Variants in EXOC4 observed in about 807,000 individuals in gnomAD.
The protein encoded by EXOC4 is exocyst complex component 4.
EXOC4 carries 71 observed loss-of-function variants against 107.2 expected under a neutral mutation model. The observed-to-expected ratio is 0.66, with a 90% CI of 0.55 to 0.81. The LOEUF (loss-of-function observed/expected upper bound fraction) is 0.81, where lower values mean the gene tolerates loss of function less well. EXOC4 is among the 30% of genes least tolerant of loss of function. EXOC4 has a pLI of 0.00. For synonymous variants in EXOC4, 456 were observed against 441.2 expected, an observed-to-expected ratio of 1.03 and a Z score of -0.42; for missense variants, 1,108 against 1,189.6, an observed-to-expected ratio of 0.93 and a Z score of 1.01.
intron 11 of EXOC4, among the ~76,000 whole-genome samples, chr7:133,863,815 T>G (rs1375127130): frequency 6.6e-6 from 1 of 152,220 alleles, no homozygotes; most frequent in African/African-American, 2.4e-5. Context: ...TCTGCACTGG[T>G]GACTGACAGT....
At chr7:133,256,581 A>G (rs1014858946) in intron 1 of EXOC4, among the ~76,000 whole-genome samples, 14 of 152,376 alleles carry the variant, frequency 9.2e-5, no homozygotes, top group African/African-American at 3.4e-4. Context: ...TTTAAAAAAT[A>G]TCTTTTTGTA....
chr7:133,678,003 C>T (rs1794103047), intron 10 of EXOC4, among the ~76,000 whole-genome samples: 1 of 152,074 alleles, frequency 6.6e-6, no homozygotes, highest in South Asian at 2.1e-4. Context: ...GTCTTCATTG[C>T]CTCCTGCATT....
At position 133,522,376 on chromosome 7, in the gene EXOC4, A is replaced by AT. The variant is rs1799997337; in HGVS notation, c.1417+42238_1417+42239insT. On this transcript the variant is annotated intron_variant, in intron 9 of 17. Transcript: ENST00000253861. ...TCTTCCGCTTGTAGATAAAGACAGTAATATGATGGAGTGATCAAATACAAA... is the reference window on the plus strand; with the variant it reads ...TCTTCCGCTTGTAGATAAAGACAGTATATATGATGGAGTGATCAAATACAAA... Among the ~76,000 whole-genome samples, 3 of 152,178 alleles carry AT rather than the reference A, an allele frequency of 2.0e-5. No homozygotes were observed. The South Asian group carries it at 6.2e-4, about 31-fold the overall frequency.
At chr7:133,600,980 G>T (rs1443472293) in intron 9 of EXOC4, among the ~76,000 whole-genome samples, 1 of 152,150 alleles carries the variant, frequency 6.6e-6, no homozygotes, top group Non-Finnish European at 1.5e-5. Flanking sequence ...ACATTTGAAA[G>T]CAAGTTTGCA....
chr7:133,542,773 T>C (rs1473613852), intron 9 of EXOC4, among the ~76,000 whole-genome samples: 1 of 152,178 alleles, frequency 6.6e-6, no homozygotes, highest in Non-Finnish European at 1.5e-5. Context: ...CAGAAAATGA[T>C]TTGAAATGGT....
chr7:133,635,356 T>C (rs939594432), intron 10 of EXOC4, among the ~76,000 whole-genome samples: 3 of 152,182 alleles, frequency 2.0e-5, no homozygotes, highest in African/African-American at 7.2e-5. Flanking sequence ...AGAATTTATT[T>C]TTCTCTTTGT....
intron 10 of EXOC4, among the ~76,000 whole-genome samples, chr7:133,787,387 GTGA>G (rs1554401395): frequency 2.3e-3 from 3 of 1,294 alleles, no homozygotes; most frequent in Non-Finnish European, 4.7e-3. Context: ...GTGTGTGTGT[GTGA>G]GATGAGGTCT....
intron 9 of EXOC4, among the ~76,000 whole-genome samples, chr7:133,571,999 C>T (rs1272383150): frequency 2.6e-5 from 4 of 152,122 alleles, no homozygotes; most frequent in Non-Finnish European, 5.9e-5. Context: ...GAAACCATAG[C>T]AGAAGGTTAA....
chr7:133,761,986 C>T (rs1297135982), intron 10 of EXOC4, among the ~76,000 whole-genome samples: 1 of 152,184 alleles, frequency 6.6e-6, no homozygotes, highest in East Asian at 1.9e-4. Flanking sequence ...CTCTTCTCTG[C>T]CTCAAGCTCA....
chr7:133,386,859 A>G (rs1007478610), intron 7 of EXOC4, among the ~76,000 whole-genome samples: 2 of 151,930 alleles, frequency 1.3e-5, no homozygotes, highest in Non-Finnish European at 2.9e-5. Context: ...TGTCCTGGGC[A>G]AGACTCAGTT....
At chr7:133,358,534 T>A (rs1407411804) in intron 6 of EXOC4, among the ~76,000 whole-genome samples, 1 of 152,198 alleles carries the variant, frequency 6.6e-6, no homozygotes, top group Non-Finnish European at 1.5e-5. Flanking sequence ...ACTTTTGCCT[T>A]TCTTCTTTCT....
intron 9 of EXOC4, among the ~76,000 whole-genome samples, chr7:133,498,019 C>A (rs182235833): frequency 6.6e-6 from 1 of 152,096 alleles, no homozygotes; most frequent in Non-Finnish European, 1.5e-5. Context: ...TGATAGCCCC[C>A]TGAGGAAAGC....
At chr7:133,690,860 A>AAGGG (rs1794404013) in intron 10 of EXOC4, among the ~76,000 whole-genome samples, 2 of 152,130 alleles carry the variant, frequency 1.3e-5, no homozygotes. Context: ...GGGGAAACTA[A>AAGGG]TGGAAGATAG....
At chr7:133,290,806 C>T (rs1794387662) in intron 3 of EXOC4, 1 of 152,112 alleles carries the variant, frequency 6.6e-6, no homozygotes, top group Admixed American at 6.5e-5. Flanking sequence ...TACAGAAATT[C>T]AACTCTAGCT....
chr7:133,676,309 T>G (rs1794056550), intron 10 of EXOC4, among the ~76,000 whole-genome samples: 1 of 152,188 alleles, frequency 6.6e-6, no homozygotes, highest in Non-Finnish European at 1.5e-5. Context: ...AATTTTATTT[T>G]AAACAAGTAG....
chr7:133,515,103 A>G (rs1285520283), intron 9 of EXOC4, among the ~76,000 whole-genome samples: 1 of 152,156 alleles, frequency 6.6e-6, no homozygotes, highest in East Asian at 1.9e-4. Context: ...TTTGCTTACT[A>G]GCTGCTCAGC....
chr7:133,495,123 A>G (rs1198950923), intron 9 of EXOC4, among the ~76,000 whole-genome samples: 2 of 152,044 alleles, frequency 1.3e-5, no homozygotes, highest in African/African-American at 2.4e-5. Flanking sequence ...ATAGTGGCAC[A>G]TATCTGTAAT....
intron 1 of EXOC4, among the ~76,000 whole-genome samples, chr7:133,258,293 C>G (rs912284844): frequency 7.9e-5 from 12 of 152,132 alleles, no homozygotes; most frequent in Non-Finnish European, 1.8e-4. Flanking sequence ...ACTGTTAACA[C>G]TGGGATTTCC....
At chr7:133,965,397 T>C (rs201698496) in intron 14 of EXOC4, among the ~76,000 whole-genome samples, 4 of 152,326 alleles carry the variant, frequency 2.6e-5, no homozygotes, top group Non-Finnish European at 5.9e-5. Flanking sequence ...TCATGAAGTC[T>C]TTGCCAATGC....
Sources: gnomAD v4.1 joint callset for allele counts (sites outside exome capture counted in the v4.1 genomes callset) on GRCh38, gnomAD v4.1.1 for gene constraint, MANE v1.5 for transcripts, NCBI Gene and HGNC (gene_info 2026-07-23, HGNC 2026-07-21) for gene names.